PLEKHA5: variants seen among roughly 807,000 people sequenced by gnomAD.
PLEKHA5 encodes the protein pleckstrin homology domain-containing family A member 5.
PLEKHA5 carries 55 observed loss-of-function variants against 181.9 expected under a neutral mutation model. The ratio of observed to expected loss-of-function variants is 0.30; its 90% CI spans 0.24 to 0.38. The LOEUF (loss-of-function observed/expected upper bound fraction) is 0.38. Among genes scored for constraint, PLEKHA5 ranks in the 10% least tolerant of loss-of-function variants. The probability of loss-of-function intolerance (pLI) is 1.00; values close to 1 mark genes in which losing one functional copy is unlikely to be tolerated. For synonymous variants in PLEKHA5, 535 were observed against 529.4 expected, an observed-to-expected ratio of 1.01 and a Z score of -0.15; for missense variants, 1,432 against 1,549.5, an observed-to-expected ratio of 0.92 and a Z score of 1.27.
At chr12:19,312,067 A>G (rs1237731495) in intron 15 of PLEKHA5, among the ~76,000 whole-genome samples, 2 of 152,214 alleles carry the variant, frequency 1.3e-5, no homozygotes, top group Non-Finnish European at 2.9e-5. Flanking sequence ...CTCTTGGGTA[A>G]CTAGGTTCAT....
chr12:19,364,211 G>GT (rs1264287505), intron 29 of PLEKHA5, among the ~76,000 whole-genome samples: 1 of 152,066 alleles, frequency 6.6e-6, no homozygotes, highest in Non-Finnish European at 1.5e-5. Context: ...GGGAGTCAGA[G>GT]TATCATTGTT....
chr12:19,238,518 A>G (rs1565502594), intron 3 of PLEKHA5, among the ~76,000 whole-genome samples: 1 of 152,134 alleles, frequency 6.6e-6, no homozygotes, highest in Non-Finnish European at 1.5e-5. Flanking sequence ...TCAGATTCCA[A>G]CTAAGATTCT....
At chr12:19,172,557 A>G (rs546142974) in intron 3 of PLEKHA5, among the ~76,000 whole-genome samples, 1 of 152,358 alleles carries the variant, frequency 6.6e-6, no homozygotes, top group Admixed American at 6.5e-5. Flanking sequence ...CATTAGGGAA[A>G]TGCAAATTAA....
intron 15 of PLEKHA5, among the ~76,000 whole-genome samples, chr12:19,298,205 A>G (rs1477372085): frequency 2.0e-5 from 3 of 151,956 alleles, no homozygotes; most frequent in African/African-American, 7.3e-5. Flanking sequence ...TCTCCAAAAA[A>G]AGAAGAGGAG....
intron 24 of PLEKHA5, among the ~76,000 whole-genome samples, chr12:19,347,465 T>C (rs2094392998): frequency 3.3e-5 from 5 of 152,062 alleles, no homozygotes. Context: ...GCAGCCGTAT[T>C]TTAGATATAC....
intron 25 of PLEKHA5, among the ~76,000 whole-genome samples, chr12:19,350,082 A>G (rs942878932): frequency 6.6e-6 from 1 of 152,218 alleles, no homozygotes; most frequent in Non-Finnish European, 1.5e-5. Flanking sequence ...ACTGCACTCC[A>G]GTCTGGGTGA....
At chr12:19,305,894 A>T (rs1389543404) in intron 15 of PLEKHA5, among the ~76,000 whole-genome samples, 2 of 146,476 alleles carry the variant, frequency 1.4e-5, no homozygotes, top group Non-Finnish European at 3.0e-5. Context: ...ACAACTATGA[A>T]GACTGGGCGC....
intron 16 of PLEKHA5, among the ~76,000 whole-genome samples, chr12:19,316,065 A>T (rs183088232): frequency 6.6e-6 from 1 of 152,248 alleles, no homozygotes; most frequent in Non-Finnish European, 1.5e-5. Context: ...TTGGTACTCT[A>T]TTCCAAAGTA....
Position 19,130,122 on chromosome 12 carries a change from A to G in PLEKHA5, c.161A>G (p.Gln54Arg). 1 of 1,574,460 alleles carries G rather than the reference A, an allele frequency of 6.4e-7. No homozygotes were observed. The highest frequency in any genetic ancestry group is 8.6e-7 in the Non-Finnish European group (1 of 1,161,544). ...GCGGTGGTCACCGGACACCGGCGGC[A>G]GAGCACAGGTAACGCCGGGCCCAAA... ...GEAVVTGHRRQSTDLPTGWEE... is the reference protein window; with the variant it reads ...GEAVVTGHRRRSTDLPTGWEE... Residue 54 changes from glutamine (Q) to arginine (R), a missense_variant, in exon 2 of 32, where the codon CAG becomes CGG. This residue lies in a region of PLEKHA5 where 289 missense variants were observed against 381.1 expected (regional missense o/e 0.76). Coordinates refer to ENST00000429027, the MANE Select transcript of PLEKHA5 (RefSeq NM_001256470.2). This position sits in a 1 kb window ranked among gnomAD's most constrained non-coding sequence, Gnocchi z 4.5.
chr12:19,210,704 G>A (rs2056729834), intron 3 of PLEKHA5, among the ~76,000 whole-genome samples: 1 of 152,166 alleles, frequency 6.6e-6, no homozygotes, highest in African/African-American at 2.4e-5. Flanking sequence ...ATTGTCAGAG[G>A]CAGGAAAGGA....
intron 3 of PLEKHA5, among the ~76,000 whole-genome samples, chr12:19,222,685 C>T (rs1019271015): frequency 2.0e-5 from 3 of 152,094 alleles, no homozygotes; most frequent in African/African-American, 7.2e-5. Context: ...GAAATGTCAG[C>T]ACATCAGGTT....
intron 15 of PLEKHA5, among the ~76,000 whole-genome samples, chr12:19,310,216 T>A (rs1406550314): frequency 6.6e-6 from 1 of 152,220 alleles, no homozygotes; most frequent in African/African-American, 2.4e-5. Context: ...TCTGATTCCT[T>A]ACACAATATG....
Position 19,255,063 on chromosome 12 carries a change from A to G in PLEKHA5, c.330A>G (p.Thr110=). The change falls in exon 5 of 32, where the codon ACA becomes ACG. Residue 110 remains threonine (T), a synonymous_variant. Transcript: ENST00000429027. ...VVNEQTVATM[T]SEEKKERPIS... ...TTTTCAGGACTGTTGCAACCATGACATCTGAAGAAAAGAAGGAACGGCCAA... is the reference window on the plus strand; with the variant it reads ...TTTTCAGGACTGTTGCAACCATGACGTCTGAAGAAAAGAAGGAACGGCCAA... 6.2e-7 allele frequency: 1 copy of G among 1,607,858 alleles called. No homozygotes were observed. The highest frequency in any genetic ancestry group is 1.7e-4 in the Middle Eastern group (1 of 6,034).
At chr12:19,185,633 A>G (rs2049668058) in intron 3 of PLEKHA5, among the ~76,000 whole-genome samples, 1 of 152,220 alleles carries the variant, frequency 6.6e-6, no homozygotes, top group Non-Finnish European at 1.5e-5. Flanking sequence ...TTGAACCAAT[A>G]CATTCCCTCC....
At chr12:19,252,134 A>G (rs2065502293) in intron 3 of PLEKHA5, among the ~76,000 whole-genome samples, 2 of 152,178 alleles carry the variant, frequency 1.3e-5, no homozygotes, top group African/African-American at 2.4e-5. Flanking sequence ...ATATCTTTAT[A>G]TTAATACTGT....
At chr12:19,272,129 A>G (rs1240589310) in intron 10 of PLEKHA5, among the ~76,000 whole-genome samples, 1 of 152,158 alleles carries the variant, frequency 6.6e-6, no homozygotes, top group Non-Finnish European at 1.5e-5. Context: ...CGATAATGTC[A>G]TAGTCTCCTA....
intron 5 of PLEKHA5, 51 bp downstream of exon 5, chr12:19,255,216 A>T (rs746028212): frequency 2.6e-6 from 3 of 1,143,814 alleles, no homozygotes; most frequent in Non-Finnish European, 3.6e-6. Flanking sequence ...AACAGTATCT[A>T]TACCGTTACT....
intron 31 of PLEKHA5, chr12:19,372,748 TAA>T (rs2095614533): frequency 6.6e-6 from 1 of 152,336 alleles, no homozygotes; most frequent in African/African-American, 2.4e-5. Flanking sequence ...CACTTGTGTT[TAA>T]GCCTTTTTTC....
At chr12:19,225,015 G>T (rs966706700) in intron 3 of PLEKHA5, among the ~76,000 whole-genome samples, 1 of 152,086 alleles carries the variant, frequency 6.6e-6, no homozygotes, top group Non-Finnish European at 1.5e-5. Flanking sequence ...GGGGAGAAAA[G>T]AATCTGTTAA....
Sources: gnomAD v4.1 joint callset for allele counts (sites outside exome capture counted in the v4.1 genomes callset) on GRCh38, gnomAD v4.1.1 for gene constraint, gnomAD v4.1.1 regional missense constraint, Gnocchi (gnomAD v3.1) non-coding constraint, MANE v1.5 for transcripts, NCBI Gene and HGNC (gene_info 2026-07-23, HGNC 2026-07-21) for gene names.